The following CPLX2 variants were observed in gnomAD, a reference collection of about 807,000 sequenced individuals.
The protein encoded by CPLX2 is complexin-2.
CPLX2 carries 5 observed loss-of-function variants against 16.3 expected under a neutral mutation model. The observed-to-expected ratio is 0.31, with a 90% CI of 0.16 to 0.64. The LOEUF (loss-of-function observed/expected upper bound fraction) is 0.64. Among genes scored for constraint, CPLX2 ranks in the 30% least tolerant of loss-of-function variants. The pLI is 0.79. For synonymous variants in CPLX2, 89 were observed against 73.2 expected, an observed-to-expected ratio of 1.22 and a Z score of -1.10; for missense variants, 144 against 181.4, an observed-to-expected ratio of 0.79 and a Z score of 1.18.
At chr5:175,835,895 C>T (rs879694116) in intron 2 of CPLX2, among the ~76,000 whole-genome samples, 4 of 151,844 alleles carry the variant, frequency 2.6e-5, no homozygotes, top group Admixed American at 2.0e-4. Context: ...TGCACCATCA[C>T]GCCTAGCTAA....
chr5:175,811,754 A>G (rs1402853865), intron 2 of CPLX2, among the ~76,000 whole-genome samples: 1 of 152,202 alleles, frequency 6.6e-6, no homozygotes, highest in East Asian at 1.9e-4. Flanking sequence ...GAGGCCTTTC[A>G]GAGAGGACCA....
At chr5:175,841,348 C>A (rs1758939869) in intron 2 of CPLX2, among the ~76,000 whole-genome samples, 1 of 152,182 alleles carries the variant, frequency 6.6e-6, no homozygotes, top group African/African-American at 2.4e-5. Flanking sequence ...AGCAGGTGCA[C>A]ACACAGGCTT....
At chr5:175,818,869 T>C (rs1459446983) in intron 2 of CPLX2, among the ~76,000 whole-genome samples, 1 of 151,980 alleles carries the variant, frequency 6.6e-6, no homozygotes, top group Non-Finnish European at 1.5e-5. Flanking sequence ...CCATGTTGGT[T>C]GGCCAGGATG....
chr5:175,811,528 G>A lies in CPLX2; in HGVS notation c.-89+2460G>A, dbSNP rs1758312183. Among the ~76,000 whole-genome samples, 4 of 152,222 alleles carry A rather than the reference G, an allele frequency of 2.6e-5. No homozygotes were observed. In the South Asian group the frequency reaches 8.3e-4, roughly 32 times the overall value. On this transcript the variant is annotated intron_variant, in intron 2 of 4. Transcript: ENST00000359546. Reference sequence around the variant, plus strand: ...AGAGAGGTCCACAGCACATATTCATGTTGTGAAGATGAGGTGCATTGACTT... The same window carrying A: ...AGAGAGGTCCACAGCACATATTCATATTGTGAAGATGAGGTGCATTGACTT...
chr5:175,817,180 T>C (rs1477873789), intron 2 of CPLX2, among the ~76,000 whole-genome samples: 1 of 152,240 alleles, frequency 6.6e-6, no homozygotes, highest in Non-Finnish European at 1.5e-5. Context: ...GATGTTTCTT[T>C]GGGATGGAAT....
chr5:175,840,729 C>T (rs1384611793), intron 2 of CPLX2, among the ~76,000 whole-genome samples: 2 of 152,188 alleles, frequency 1.3e-5, no homozygotes, highest in African/African-American at 2.4e-5. Context: ...CTGTATTAGG[C>T]TGGTGCCAGG....
Position 175,811,511 on chromosome 5 carries a change from C to A in CPLX2, c.-89+2443C>A, listed in dbSNP as rs573073448. ...AGTGATGTCGAATAGGCAGAGAGGT[C>A]CACAGCACATATTCATGTTGTGAAG... On this transcript the variant is annotated intron_variant, in intron 2 of 4. Coordinates refer to the CPLX2 transcript ENST00000359546. Among the ~76,000 whole-genome samples the A allele has an allele frequency of 1.1e-3, 165 of 152,188 alleles. No homozygotes were observed. In the Middle Eastern group the frequency reaches 0.014, roughly 13 times the overall value.
chr5:175,796,964 G>A lies in CPLX2; in HGVS notation c.-169+180G>A, dbSNP rs975449242. 2.0e-5 allele frequency among the ~76,000 whole-genome samples: 3 copies of A among 152,202 alleles called. No individual in the cohort carries two copies. In the East Asian group the frequency reaches 5.8e-4, roughly 29 times the overall value. On this transcript the variant is annotated intron_variant, in intron 1 of 4. Coordinates refer to the CPLX2 transcript ENST00000359546. ...CGGCTCTTCCGGGGCGAGGCAGAGG[G>A]CGCCTCGGGCTTCTCGCTCCAGCAC... is the stretch of plus-strand genomic sequence containing the variant.
upstream of CPLX2, among the ~76,000 whole-genome samples, chr5:175,868,655 C>T (rs75884378): frequency 0.029 from 4,459 of 151,746 alleles, 220 homozygotes; most frequent in African/African-American, 0.1. Context: ...TGGCAACCCA[C>T]ATGACATGAG....
chr5:175,822,686 GA>G (rs1758535830), intron 2 of CPLX2, among the ~76,000 whole-genome samples: 1 of 152,162 alleles, frequency 6.6e-6, no homozygotes, highest in Non-Finnish European at 1.5e-5. Flanking sequence ...TGCAGAGTGG[GA>G]ACACAGCCAT....
chr5:175,879,512 A>G (rs1044939554), intron 3 of CPLX2, among the ~76,000 whole-genome samples: 5 of 152,244 alleles, frequency 3.3e-5, no homozygotes, highest in African/African-American at 1.2e-4. Context: ...AAAGGCTAGA[A>G]GTAGTCTTCC....
intron 1 of CPLX2, among the ~76,000 whole-genome samples, chr5:175,800,460 G>A (rs1235613731): frequency 6.7e-6 from 1 of 149,132 alleles, no homozygotes; most frequent in African/African-American, 2.5e-5. Flanking sequence ...ACTCCAGCCT[G>A]GGCAACAAGG....
chr5:175,824,369 C>T (rs973666709), intron 2 of CPLX2, among the ~76,000 whole-genome samples: 1 of 152,184 alleles, frequency 6.6e-6, no homozygotes, highest in African/African-American at 2.4e-5. Flanking sequence ...TTAGGCAGGC[C>T]GGCCTTGCTG....
intron 1 of CPLX2, among the ~76,000 whole-genome samples, chr5:175,874,509 A>C (rs1053057939): frequency 8.5e-5 from 13 of 152,212 alleles, no homozygotes; most frequent in African/African-American, 3.1e-4. Context: ...GAATATTTGT[A>C]GTATGAGCAA....
intron 1 of CPLX2, among the ~76,000 whole-genome samples, chr5:175,797,636 G>A (rs1758014337): frequency 1.3e-5 from 2 of 152,146 alleles, no homozygotes; most frequent in Admixed American, 1.3e-4. Flanking sequence ...AGTTTCCGTA[G>A]GGGGAGGGGG....
At chr5:175,861,636 G>T (rs1256458112) in intron 2 of CPLX2, 1 of 152,512 alleles carries the variant, frequency 6.6e-6, no homozygotes, top group African/African-American at 2.4e-5. Context: ...AAAGCTGGAG[G>T]CGGGGAGAGC....
intron 2 of CPLX2, among the ~76,000 whole-genome samples, chr5:175,855,548 C>CA (rs1325726560): frequency 3.3e-5 from 5 of 152,208 alleles, no homozygotes; most frequent in Admixed American, 1.3e-4. Context: ...TCCAGGAGCT[C>CA]AAAAAATGTG....
chr5:175,822,189 T>C (rs1475325977), intron 2 of CPLX2, among the ~76,000 whole-genome samples: 4 of 152,220 alleles, frequency 2.6e-5, no homozygotes, highest in Non-Finnish European at 4.4e-5. Flanking sequence ...GTACTTTTTT[T>C]CTTCCCCACC....
chr5:175,838,825 A>C (rs1189192604), intron 2 of CPLX2, among the ~76,000 whole-genome samples: 1 of 152,262 alleles, frequency 6.6e-6, no homozygotes, highest in East Asian at 1.9e-4. Flanking sequence ...TTTGGCTTCC[A>C]AATCAAATGC....
Sources: allele counts gnomAD v4.1 joint callset (sites outside exome capture counted in the v4.1 genomes callset), GRCh38; gene constraint gnomAD v4.1.1; transcripts MANE v1.5; gene names NCBI Gene and HGNC (gene_info 2026-07-23, HGNC 2026-07-21).